RBMS1: variants seen among roughly 807,000 people sequenced by gnomAD.
RBMS1 encodes the protein RNA-binding motif, single-stranded-interacting protein 1.
A neutral mutation model predicts 62.3 loss-of-function variants in RBMS1; 17 were observed. The observed-to-expected ratio is 0.27, with a 90% confidence interval of 0.19 to 0.41. The LOEUF (loss-of-function observed/expected upper bound fraction) is 0.41. RBMS1 is among the 10% of genes least tolerant of loss of function. The pLI is 1.00. For synonymous variants in RBMS1, 172 were observed against 170.0 expected, an observed-to-expected ratio of 1.01 and a Z score of -0.09; for missense variants, 334 against 504.5, an observed-to-expected ratio of 0.66 and a Z score of 3.24.
chr2:160,455,313 G>A (rs1684173239), intron 1 of RBMS1, among the ~76,000 whole-genome samples: 1 of 152,172 alleles, frequency 6.6e-6, no homozygotes, highest in African/African-American at 2.4e-5. Flanking sequence ...CCTCTCTGTT[G>A]CGAACAAATG....
chr2:160,340,628 G>C (rs1423336327), intron 2 of RBMS1, among the ~76,000 whole-genome samples: 1 of 151,904 alleles, frequency 6.6e-6, no homozygotes, highest in African/African-American at 2.4e-5. Flanking sequence ...AGAATTTTCT[G>C]ATATACAACT....
intron 1 of RBMS1, among the ~76,000 whole-genome samples, chr2:160,378,124 A>C (rs1694095182): frequency 6.8e-6 from 1 of 148,040 alleles, no homozygotes; most frequent in African/African-American, 2.5e-5. Context: ...TATGCTAGAT[A>C]TCCAGTTGCT....
intron 6 of RBMS1, among the ~76,000 whole-genome samples, chr2:160,300,336 G>A (rs751301189): frequency 1.3e-5 from 2 of 152,158 alleles, no homozygotes; most frequent in Admixed American, 6.5e-5. Context: ...AGTGCTCAAC[G>A]GATATGATCA....
chr2:160,407,924 C>T (rs1695847585), intron 1 of RBMS1: 2 of 980,142 alleles, frequency 2.0e-6, no homozygotes, highest in South Asian at 4.7e-5. Flanking sequence ...CGGCCGGGGG[C>T]GGGGAGGCGG....
At chr2:160,385,691 T>A (rs12473324) in intron 1 of RBMS1, among the ~76,000 whole-genome samples, 16 of 152,158 alleles carry the variant, frequency 1.1e-4, no homozygotes, top group Admixed American at 9.8e-4. Context: ...AATGTAGAGA[T>A]GCCCACGTGT....
At chr2:160,384,971 AGT>A (rs1176727335) in intron 1 of RBMS1, among the ~76,000 whole-genome samples, 1 of 152,118 alleles carries the variant, frequency 6.6e-6, no homozygotes, top group Non-Finnish European at 1.5e-5. Context: ...GTTGTTTAAA[AGT>A]GTGTGGCCTT....
intron 4 of RBMS1, among the ~76,000 whole-genome samples, chr2:160,307,267 T>G (rs1689584014): frequency 1.3e-5 from 2 of 149,744 alleles, no homozygotes; most frequent in Admixed American, 1.3e-4. Flanking sequence ...AGATAGCCAG[T>G]CACTGGCATG....
At chr2:160,419,712 C>G (rs1696343587) in intron 1 of RBMS1, among the ~76,000 whole-genome samples, 1 of 152,116 alleles carries the variant, frequency 6.6e-6, no homozygotes, top group African/African-American at 2.4e-5. Context: ...GCTACAGCAC[C>G]TAGGAAGTGA....
intron 2 of RBMS1, among the ~76,000 whole-genome samples, chr2:160,359,606 G>C (rs1024806557): frequency 6.6e-5 from 10 of 152,102 alleles, no homozygotes; most frequent in Non-Finnish European, 1.3e-4. Context: ...TATTTACATA[G>C]AGATTTCAAA....
intron 1 of RBMS1, among the ~76,000 whole-genome samples, chr2:160,384,255 T>C (rs944986397): frequency 3.3e-5 from 5 of 152,138 alleles, no homozygotes; most frequent in Non-Finnish European, 7.4e-5. Context: ...GAAAAAAAAT[T>C]GAATTTTCTT....
intron 2 of RBMS1, among the ~76,000 whole-genome samples, chr2:160,360,250 G>A (rs1191781197): frequency 6.6e-6 from 1 of 152,138 alleles, no homozygotes; most frequent in Non-Finnish European, 1.5e-5. Flanking sequence ...CTAAAAGTCG[G>A]TGCCTTTCAT....
At chr2:160,467,191 C>T (rs1684729972) in intron 1 of RBMS1, among the ~76,000 whole-genome samples, 1 of 148,468 alleles carries the variant, frequency 6.7e-6, no homozygotes, top group Non-Finnish European at 1.5e-5. Context: ...TCCTGCAGAT[C>T]ATATGGGGGT....
At chr2:160,351,674 A>G (rs1348111658) in intron 2 of RBMS1, among the ~76,000 whole-genome samples, 1 of 152,166 alleles carries the variant, frequency 6.6e-6, no homozygotes. Flanking sequence ...AGTCCAGGAA[A>G]CTGTTGTGCA....
intron 1 of RBMS1, among the ~76,000 whole-genome samples, chr2:160,465,996 T>C (rs1255300348): frequency 2.0e-5 from 3 of 152,188 alleles, no homozygotes; most frequent in Non-Finnish European, 4.4e-5. Context: ...GAAAAGTGTT[T>C]ATTATTTTAA....
At chr2:160,401,843 T>C (rs937556349) in intron 1 of RBMS1, 3 of 152,222 alleles carry the variant, frequency 2.0e-5, no homozygotes, top group Admixed American at 2.0e-4. Flanking sequence ...CAAATTCTGC[T>C]ATCGAGGGCA....
Position 160,448,902 on chromosome 2 carries a change from C to T in RBMS1, c.75+44387G>A, listed in dbSNP as rs575062746. Among the ~76,000 whole-genome samples, 8 of 150,916 alleles carry T rather than the reference C, an allele frequency of 5.3e-5. 1 individual carries two copies. Among genetic ancestry groups the T allele is most frequent in the South Asian group, 4.2e-4 (2 of 4,770 alleles). On this transcript the variant is annotated intron_variant, in intron 1 of 13. Transcript: ENST00000348849. The stretch of plus-strand genomic sequence containing the variant: ...TGAGATGTGGGGAGCGCCTCTGCCC[C>T]GCCACCCCATCTGGGATGTGAGGAG...
intron 1 of RBMS1, among the ~76,000 whole-genome samples, chr2:160,404,401 C>A (rs977207597): frequency 6.6e-6 from 1 of 152,002 alleles, no homozygotes; most frequent in African/African-American, 2.4e-5. Context: ...GTCGACCCTC[C>A]GTATAAAGAG....
intron 2 of RBMS1, among the ~76,000 whole-genome samples, chr2:160,339,516 A>G (rs1482340010): frequency 6.6e-6 from 1 of 152,180 alleles, no homozygotes; most frequent in South Asian, 2.1e-4. Context: ...TGGGAAAAGC[A>G]TCTGTAAATT....
intron 2 of RBMS1, among the ~76,000 whole-genome samples, chr2:160,347,047 A>AG (rs1307752116): frequency 7.2e-5 from 11 of 152,172 alleles, no homozygotes; most frequent in African/African-American, 2.7e-4. Context: ...AACCACTGTC[A>AG]GAGTCTTTCA....
Sources: gnomAD v4.1 joint callset for allele counts (sites outside exome capture counted in the v4.1 genomes callset) on GRCh38, gnomAD v4.1.1 for gene constraint, MANE v1.5 for transcripts, NCBI Gene and HGNC (gene_info 2026-07-23, HGNC 2026-07-21) for gene names.